Variants in ASIC2 observed in about 807,000 individuals in gnomAD.
The protein encoded by ASIC2 is acid-sensing ion channel 2.
Under a neutral mutation model 57.3 loss-of-function variants are expected in ASIC2, and 25 were observed. The ratio of observed to expected loss-of-function variants is 0.44; its 90% confidence interval spans 0.32 to 0.61. The LOEUF (loss-of-function observed/expected upper bound fraction) is 0.61. Ranked by LOEUF, ASIC2 falls within the 20% of genes least tolerant of loss-of-function variation. The pLI, the probability that ASIC2 is intolerant of heterozygous loss-of-function variation, is 0.06. For missense variants in ASIC2, 641 were observed against 738.1 expected (o/e 0.87, Z 1.52); for synonymous variants, 319 against 307.5 (o/e 1.04, Z -0.39).
intron 1 of ASIC2, among the ~76,000 whole-genome samples, chr17:33,315,427 A>G (rs1252438216): frequency 6.6e-6 from 1 of 152,218 alleles, no homozygotes; most frequent in African/African-American, 2.4e-5. Context: ...TAAACCCTGC[A>G]TTTGTATTCC....
chr17:34,138,810 T>C (rs1267765721), intron 1 of ASIC2, among the ~76,000 whole-genome samples: 1 of 152,224 alleles, frequency 6.6e-6, no homozygotes, highest in African/African-American at 2.4e-5. Context: ...TCGACTCTAG[T>C]GAATACCTTA....
intron 1 of ASIC2, among the ~76,000 whole-genome samples, chr17:33,392,087 T>C (rs1909911247): frequency 6.6e-6 from 1 of 152,200 alleles, no homozygotes; most frequent in Non-Finnish European, 1.5e-5. Flanking sequence ...TAAAACATGC[T>C]ATCATGTGGA....
chr17:33,615,684 C>T (rs564114095), intron 1 of ASIC2, among the ~76,000 whole-genome samples: 1 of 152,158 alleles, frequency 6.6e-6, no homozygotes, highest in Non-Finnish European at 1.5e-5. Context: ...CACCTATCAA[C>T]CCATCACCTA....
chr17:33,365,614 T>G (rs1908778977), intron 1 of ASIC2, among the ~76,000 whole-genome samples: 1 of 152,226 alleles, frequency 6.6e-6, no homozygotes, highest in African/African-American at 2.4e-5. Flanking sequence ...AAAATGTTCC[T>G]TGGCTTGAGT....
At chr17:34,059,383 A>T (rs1263854718) in intron 1 of ASIC2, among the ~76,000 whole-genome samples, 3 of 152,180 alleles carry the variant, frequency 2.0e-5, no homozygotes, top group African/African-American at 7.2e-5. Flanking sequence ...CTGGCATTAC[A>T]GGGAACCATC....
At chr17:33,340,940 A>T (rs1428988790) in intron 1 of ASIC2, among the ~76,000 whole-genome samples, 1 of 152,164 alleles carries the variant, frequency 6.6e-6, no homozygotes, top group Non-Finnish European at 1.5e-5. Flanking sequence ...GCCTCCTGGA[A>T]TGTAGTATCT....
intron 1 of ASIC2, among the ~76,000 whole-genome samples, chr17:33,384,303 A>G (rs190931657): frequency 2.3e-3 from 343 of 152,370 alleles, no homozygotes; most frequent in Non-Finnish European, 2.8e-3. Flanking sequence ...GACAGATTTA[A>G]TATTAATTGG....
chr17:33,460,414 G>A (rs1337070271), intron 1 of ASIC2, among the ~76,000 whole-genome samples: 1 of 152,086 alleles, frequency 6.6e-6, no homozygotes, highest in Non-Finnish European at 1.5e-5. Flanking sequence ...TGAGGATGAG[G>A]GACATCCTGA....
intron 1 of ASIC2, among the ~76,000 whole-genome samples, chr17:33,586,030 T>C (rs1426795753): frequency 6.6e-6 from 1 of 152,124 alleles, no homozygotes; most frequent in African/African-American, 2.4e-5. Context: ...TCTCAGTTGG[T>C]GTGCAGAAGG....
chr17:33,477,469 T>C (rs956732286), intron 1 of ASIC2, among the ~76,000 whole-genome samples: 6 of 152,230 alleles, frequency 3.9e-5, no homozygotes, highest in Admixed American at 6.5e-5. Context: ...GGCCTCACTG[T>C]CTTCATAGTA....
intron 1 of ASIC2, among the ~76,000 whole-genome samples, chr17:34,074,775 T>C (rs901709352): frequency 1.4e-5 from 2 of 143,942 alleles, no homozygotes; most frequent in African/African-American, 5.5e-5. Flanking sequence ...TTTTTCTTTC[T>C]TTCTTTCTTT....
intron 1 of ASIC2, among the ~76,000 whole-genome samples, chr17:33,962,292 G>T (rs1331147309): frequency 6.6e-6 from 1 of 152,212 alleles, no homozygotes; most frequent in Non-Finnish European, 1.5e-5. Context: ...GCCAGCTGAG[G>T]CAGGGGTGTG....
At chr17:33,056,683 T>C (rs1487913587) in intron 3 of ASIC2, among the ~76,000 whole-genome samples, 1 of 152,178 alleles carries the variant, frequency 6.6e-6, no homozygotes, top group Non-Finnish European at 1.5e-5. Flanking sequence ...CCATCTGGGA[T>C]TGCTCTTAGA....
intron 1 of ASIC2, among the ~76,000 whole-genome samples, chr17:33,698,824 A>C (rs1908608993): frequency 6.6e-6 from 1 of 151,828 alleles, no homozygotes; most frequent in African/African-American, 2.4e-5. Flanking sequence ...AAAGATGGAG[A>C]CCCGCAGCTC....
At chr17:33,714,373 A>G (rs1238305232) in intron 1 of ASIC2, among the ~76,000 whole-genome samples, 1 of 152,238 alleles carries the variant, frequency 6.6e-6, no homozygotes, top group East Asian at 1.9e-4. Flanking sequence ...CAGTAGTGGA[A>G]TGGCTAACTA....
intron 1 of ASIC2, among the ~76,000 whole-genome samples, chr17:33,714,377 C>G (rs748238397): frequency 3.3e-5 from 5 of 152,100 alleles, no homozygotes; most frequent in Admixed American, 1.3e-4. Context: ...AGTGGAATGG[C>G]TAACTAAATG....
chr17:34,077,502 C>G (rs1406273035), intron 1 of ASIC2, among the ~76,000 whole-genome samples: 1 of 152,232 alleles, frequency 6.6e-6, no homozygotes, highest in Non-Finnish European at 1.5e-5. Flanking sequence ...TCTTCAGAAC[C>G]TGCACTCCTC....
intron 1 of ASIC2, among the ~76,000 whole-genome samples, chr17:33,803,090 C>A (rs1912175727): frequency 6.6e-6 from 1 of 152,150 alleles, no homozygotes; most frequent in African/African-American, 2.4e-5. Flanking sequence ...AGGAAAGGAT[C>A]CATGTCTGAA....
chr17:33,354,628 G>A (rs1908307384), intron 1 of ASIC2, among the ~76,000 whole-genome samples: 1 of 151,836 alleles, frequency 6.6e-6, no homozygotes, highest in African/African-American at 2.4e-5. Context: ...TCCAGCCTGG[G>A]CCCAGGCTCT....
Sources: allele counts gnomAD v4.1 joint callset (sites outside exome capture counted in the v4.1 genomes callset), GRCh38; gene constraint gnomAD v4.1.1; transcripts MANE v1.5; gene names NCBI Gene and HGNC (gene_info 2026-07-23, HGNC 2026-07-21).